NRG1: variants seen among roughly 807,000 people sequenced by gnomAD.
NRG1 encodes the protein neuregulin 1, also known as pro-neuregulin-1, membrane-bound isoform.
A neutral mutation model predicts 63.8 loss-of-function variants in NRG1; 18 were observed. The observed-to-expected ratio is 0.28, with a 90% CI of 0.19 to 0.42. The LOEUF (loss-of-function observed/expected upper bound fraction) is 0.42. Among genes scored for constraint, NRG1 ranks in the 10% least tolerant of loss-of-function variants. The probability of loss-of-function intolerance (pLI) is 1.00; values close to 1 mark genes in which losing one functional copy is unlikely to be tolerated. For synonymous variants in NRG1, 302 were observed against 301.3 expected, an observed-to-expected ratio of 1.00 and a Z score of -0.02; for missense variants, 762 against 814.7, an observed-to-expected ratio of 0.94 and a Z score of 0.79.
intron 1 of NRG1, among the ~76,000 whole-genome samples, chr8:31,806,437 A>G (rs1822293696): frequency 1.3e-5 from 2 of 152,084 alleles, no homozygotes. Context: ...ATGTTCCACA[A>G]CTCTTTCACA....
rs943097491 is a variant in NRG1 at position 31,945,101 on chromosome 8, C to T, written c.37+305670C>T. ...CATTCCCTGAGGCCCTTTTTGCCTTCGAGTAAATGCTCTTTATCATTCTAA... is the reference window on the plus strand; with the variant it reads ...CATTCCCTGAGGCCCTTTTTGCCTTTGAGTAAATGCTCTTTATCATTCTAA... On this transcript the variant is annotated intron_variant, in intron 1 of 10. Transcript: ENST00000519301. Among the ~76,000 whole-genome samples, 4 of 152,224 alleles carry T rather than the reference C, an allele frequency of 2.6e-5. No individual in the cohort carries two copies. In the South Asian group the frequency reaches 6.2e-4, roughly 24 times the overall value.
intron 1 of NRG1, among the ~76,000 whole-genome samples, chr8:31,731,012 T>G (rs1003405796): frequency 6.6e-6 from 1 of 152,140 alleles, no homozygotes; most frequent in Non-Finnish European, 1.5e-5. Context: ...ACAGCGGTTT[T>G]TCTCCTTCGA....
intron 1 of NRG1, among the ~76,000 whole-genome samples, chr8:32,552,210 C>CTT (rs35243877): frequency 1.0e-4 from 13 of 124,752 alleles, no homozygotes; most frequent in African/African-American, 1.8e-4. Context: ...CGCTTGGCCG[C>CTT]TTTTTTTTTT....
At chr8:32,165,075 G>A (rs556205277) in intron 1 of NRG1, among the ~76,000 whole-genome samples, 1 of 151,476 alleles carries the variant, frequency 6.6e-6, no homozygotes, top group East Asian at 1.9e-4. Flanking sequence ...TTCTACAATT[G>A]CACAGCATAT....
chr8:31,718,326 G>A lies in NRG1; in HGVS notation c.37+78895G>A, dbSNP rs78602630. On this transcript the variant is annotated intron_variant, in intron 1 of 10. Transcript: ENST00000519301. Reference sequence around the variant, plus strand: ...CGAAAAATGGGTGCAACTAGACTCAGTAGCTAGATGTGGTATGTGGAATGT... The same window carrying A: ...CGAAAAATGGGTGCAACTAGACTCAATAGCTAGATGTGGTATGTGGAATGT... Among the ~76,000 whole-genome samples, 453 of 152,240 alleles carry A rather than the reference G, an allele frequency of 3.0e-3. 6 individuals carry two copies. The highest frequency in any genetic ancestry group is 9.3e-3 in the African/African-American group (388 of 41,548).
intron 1 of NRG1, among the ~76,000 whole-genome samples, chr8:31,688,701 T>C (rs1471370435): frequency 1.3e-5 from 2 of 151,944 alleles, no homozygotes; most frequent in East Asian, 3.9e-4. Flanking sequence ...GTAGATTCAC[T>C]AAAGCTTTTA....
intron 1 of NRG1, among the ~76,000 whole-genome samples, chr8:32,100,398 T>C (rs376618681): frequency 1.3e-5 from 2 of 152,288 alleles, no homozygotes; most frequent in East Asian, 3.9e-4. Flanking sequence ...GTTATAAACC[T>C]TGTTACTGAT....
At chr8:31,735,906 A>T (rs561746201) in intron 1 of NRG1, among the ~76,000 whole-genome samples, 14 of 152,256 alleles carry the variant, frequency 9.2e-5, no homozygotes, top group African/African-American at 3.4e-4. Flanking sequence ...TTACCACTTT[A>T]ACTGCTACCA....
chr8:31,958,268 T>G (rs1289471777), intron 1 of NRG1, among the ~76,000 whole-genome samples: 3 of 152,082 alleles, frequency 2.0e-5, no homozygotes, highest in African/African-American at 7.2e-5. Flanking sequence ...TAAACAAAAT[T>G]AAAAGACTAA....
chr8:32,762,038 C>CAA (rs11407724), intron 11 of NRG1, among the ~76,000 whole-genome samples: 1,604 of 79,942 alleles, frequency 0.02, 61 homozygotes, highest in East Asian at 0.033. Context: ...GACTCCGCCT[C>CAA]AAAAAAAAAA....
At chr8:31,872,547 T>G (rs916477810) in intron 1 of NRG1, among the ~76,000 whole-genome samples, 1 of 152,200 alleles carries the variant, frequency 6.6e-6, no homozygotes, top group African/African-American at 2.4e-5. Context: ...TGAGCTATTT[T>G]TTTCTTCCTT....
At chr8:32,219,418 G>T (rs1264437842) in intron 1 of NRG1, among the ~76,000 whole-genome samples, 1 of 152,158 alleles carries the variant, frequency 6.6e-6, no homozygotes, top group East Asian at 1.9e-4. Flanking sequence ...CTATTGAAAT[G>T]CTCCACCACG....
At chr8:32,347,015 G>A (rs1170883662) in intron 1 of NRG1, among the ~76,000 whole-genome samples, 1 of 151,926 alleles carries the variant, frequency 6.6e-6, no homozygotes, top group East Asian at 1.9e-4. Flanking sequence ...ATTTTTAGTA[G>A]AGATGGGGTT....
chr8:32,072,020 C>T (rs1586894828), intron 1 of NRG1, among the ~76,000 whole-genome samples: 1 of 152,098 alleles, frequency 6.6e-6, no homozygotes, highest in Non-Finnish European at 1.5e-5. Context: ...AGGCAGAGTT[C>T]TTTCTTTTTT....
intron 1 of NRG1, among the ~76,000 whole-genome samples, chr8:31,856,202 G>A (rs972626321): frequency 5.3e-5 from 8 of 152,184 alleles, no homozygotes; most frequent in African/African-American, 1.7e-4. Context: ...ATATCCTGCA[G>A]AGTATTTTCC....
At chr8:32,701,942 A>G in intron 5 of NRG1, among the ~76,000 whole-genome samples, 1 of 152,224 alleles carries the variant, frequency 6.6e-6, no homozygotes, top group Non-Finnish European at 1.5e-5. Flanking sequence ...ACTTTTCCTT[A>G]AGATTTCATC....
chr8:32,182,409 G>C (rs937948848), intron 1 of NRG1, among the ~76,000 whole-genome samples: 2 of 152,160 alleles, frequency 1.3e-5, no homozygotes, highest in Non-Finnish European at 2.9e-5. Flanking sequence ...ACCATACCCA[G>C]CTAATTTTTG....
chr8:32,112,346 G>A (rs1299334970), intron 1 of NRG1, among the ~76,000 whole-genome samples: 1 of 152,216 alleles, frequency 6.6e-6, no homozygotes, highest in Non-Finnish European at 1.5e-5. Context: ...AAAATCTTGT[G>A]TCTGAAGCCG....
chr8:31,865,314 CA>C (rs1253759015), intron 1 of NRG1, among the ~76,000 whole-genome samples: 3 of 152,156 alleles, frequency 2.0e-5, no homozygotes, highest in African/African-American at 7.2e-5. Context: ...GAAGACAGAA[CA>C]CCCCCTTTCC....
Sources: gnomAD v4.1 joint callset for allele counts (sites outside exome capture counted in the v4.1 genomes callset) on GRCh38, gnomAD v4.1.1 for gene constraint, MANE v1.5 for transcripts, NCBI Gene and HGNC (gene_info 2026-07-23, HGNC 2026-07-21) for gene names.